Variants in SLC38A1 observed in about 807,000 individuals in gnomAD.
SLC38A1 encodes the protein sodium-coupled neutral amino acid symporter 1.
In SLC38A1, 18 loss-of-function variants were observed where a neutral mutation model predicts 60.3. The observed-to-expected ratio is 0.30, with a 90% CI of 0.21 to 0.44. SLC38A1 has a LOEUF of 0.44. Among genes scored for constraint, SLC38A1 ranks in the 20% least tolerant of loss-of-function variants. SLC38A1 has a pLI of 1.00. For missense variants in SLC38A1, 448 were observed against 587.2 expected (o/e 0.76, Z 2.45); for synonymous variants, 196 against 212.1 (o/e 0.92, Z 0.66).
chr12:46,253,660 G>A (rs1395062884), intron 1 of SLC38A1, among the ~76,000 whole-genome samples: 8 of 152,146 alleles, frequency 5.3e-5, no homozygotes, highest in Admixed American at 5.2e-4. Context: ...GACTTAGAAT[G>A]CTTTAACCAT....
chr12:46,210,132 T>TC (rs993200075), intron 5 of SLC38A1, among the ~76,000 whole-genome samples: 2 of 152,152 alleles, frequency 1.3e-5, no homozygotes, highest in Non-Finnish European at 2.9e-5. Context: ...TCCTGGCCCT[T>TC]CCCCCTCCCA....
At chr12:46,190,298 A>G (rs1432685683) in intron 16 of SLC38A1, among the ~76,000 whole-genome samples, 1 of 152,182 alleles carries the variant, frequency 6.6e-6, no homozygotes, top group Non-Finnish European at 1.5e-5. Context: ...ATACGATTCC[A>G]TGGTGTACAT....
chr12:46,261,204 C>G (rs1942186189), intron 1 of SLC38A1, among the ~76,000 whole-genome samples: 1 of 152,200 alleles, frequency 6.6e-6, no homozygotes, highest in Non-Finnish European at 1.5e-5. Flanking sequence ...CAAGCCAACT[C>G]TTCTGTGATG....
In SLC38A1 at chr12:46,197,934, T is replaced by C; in HGVS notation, c.1249A>G (p.Ile417Val). The C allele has an allele frequency of 6.2e-7, 1 of 1,614,090 alleles. No individual in the cohort carries two copies. Among genetic ancestry groups the C allele is most frequent in the Non-Finnish European group, 8.5e-7 (1 of 1,179,984 alleles). ...LVIFIPSMKD[I>V]FGVVGVTSAN... The stretch of plus-strand genomic sequence containing the variant: ...GAAGCCATACCTACGACTCCAAAAA[T>C]ATCCTTCATGGAGGGTATGAAGATC... The change falls in exon 15 of 17, where the codon ATT becomes GTT. Residue 417 changes from isoleucine to valine, a missense_variant. Around this residue, in one of 2 missense-constraint regions of SLC38A1, gnomAD observed 346 missense variants for 497.5 expected, o/e 0.70. Transcript: ENST00000398637.
At chr12:46,229,692 A>G in intron 3 of SLC38A1, 53 bp from the exon 4 acceptor site, 1 of 1,435,480 alleles carries the variant, frequency 7.0e-7, no homozygotes. Flanking sequence ...TTGAAGCTTG[A>G]CATCTTTACT....
At chr12:46,207,130 C>A (rs767141623) in intron 8 of SLC38A1, 25 bp downstream of exon 8, 3 of 1,469,000 alleles carry the variant, frequency 2.0e-6, no homozygotes, top group East Asian at 2.3e-5. Flanking sequence ...TTAGTTATAT[C>A]ATAAAAAAAT....
intron 4 of SLC38A1, 39 bp from the exon 5 acceptor site, chr12:46,229,307 TC>T (rs1565777637): frequency 1.4e-6 from 2 of 1,397,600 alleles, no homozygotes; most frequent in Non-Finnish European, 1.0e-6. Flanking sequence ...AGCAAAATAA[TC>T]CCCAAGAAAG....
rs142423911 is a variant in SLC38A1, at chr12:46,210,390, C to CA, written c.315-1264dup. On this transcript the variant is annotated intron_variant, in intron 5 of 16. Transcript: ENST00000398637. ...CAGAGCTCAGCAGAGGCAAAACAAA[C>CA]ACTAGGAGAAAGAACAGACCTAACA... Among the ~76,000 whole-genome samples the CA allele has an allele frequency of 7.2e-3, 1,104 of 152,306 alleles. 15 individuals carry two copies. Among genetic ancestry groups the CA allele is most frequent in the African/African-American group, 0.025 (1,033 of 41,556 alleles).
At chr12:46,191,243 A>G (rs1939132786) in intron 16 of SLC38A1, among the ~76,000 whole-genome samples, 2 of 152,184 alleles carry the variant, frequency 1.3e-5, no homozygotes, top group South Asian at 2.1e-4. Flanking sequence ...AGATGGTTGT[A>G]GATGTGTGGT....
intron 5 of SLC38A1, among the ~76,000 whole-genome samples, chr12:46,225,620 C>G (rs183654790): frequency 1.3e-5 from 2 of 152,224 alleles, no homozygotes; most frequent in East Asian, 1.9e-4. Flanking sequence ...GACAAATGAC[C>G]CTGGTGGTTC....
At chr12:46,192,648 G>C (rs1345006671) in intron 16 of SLC38A1, among the ~76,000 whole-genome samples, 1 of 151,994 alleles carries the variant, frequency 6.6e-6, no homozygotes, top group Non-Finnish European at 1.5e-5. Flanking sequence ...GCTTCTTCCT[G>C]GTTTAGTCTT....
chr12:46,255,324 C>G (rs1397696167), intron 1 of SLC38A1, among the ~76,000 whole-genome samples: 1 of 152,194 alleles, frequency 6.6e-6, no homozygotes, highest in East Asian at 1.9e-4. Context: ...TAATAACATA[C>G]AGATCATGAG....
chr12:46,204,287 A>G lies in SLC38A1; in HGVS notation c.822+14T>C, dbSNP rs757870068. 6.1e-6 allele frequency: 9 copies of G among 1,485,946 alleles called. No individual in the cohort carries two copies. Among genetic ancestry groups the G allele is most frequent in the Non-Finnish European group, 7.5e-6 (8 of 1,063,462 alleles). The allele number at this position is 1,485,946 out of a possible 1,614,324, so 92.0% of individuals were successfully genotyped here. On this transcript the variant is annotated intron_variant, in intron 11 of 16. Transcript: ENST00000398637. The stretch of plus-strand genomic sequence containing the variant: ...AAAATGCTTGTTTCATCTGCAAAGG[A>G]TCAGGAAACTTACCTTTGAATTGAA...
intron 5 of SLC38A1, among the ~76,000 whole-genome samples, chr12:46,217,319 A>G (rs1054936391): frequency 1.3e-5 from 2 of 152,238 alleles, no homozygotes; most frequent in African/African-American, 4.8e-5. Flanking sequence ...AAAGTCAAAC[A>G]TCCAGAGTGG....
intron 3 of SLC38A1, among the ~76,000 whole-genome samples, chr12:46,233,282 C>T (rs1263274389): frequency 6.6e-6 from 1 of 152,104 alleles, no homozygotes; most frequent in Non-Finnish European, 1.5e-5. Context: ...ACTCGCCTTC[C>T]CAAAGTACTG....
chr12:46,211,512 C>G (rs1307139158), intron 5 of SLC38A1, among the ~76,000 whole-genome samples: 2 of 152,240 alleles, frequency 1.3e-5, no homozygotes, highest in Non-Finnish European at 2.9e-5. Flanking sequence ...TTCCCTCAGT[C>G]AGTAGCCTCT....
At chr12:46,208,038 C>T (rs1939987153) in intron 6 of SLC38A1, among the ~76,000 whole-genome samples, 2 of 152,188 alleles carry the variant, frequency 1.3e-5, no homozygotes, top group African/African-American at 4.8e-5. Context: ...ATGACCTGAA[C>T]TGATTAGGCA....
rs143810110 is a variant in SLC38A1 at position 46,262,377 on chromosome 12, T to TA, written c.-209+6148dup. 1.6e-3 allele frequency among the ~76,000 whole-genome samples: 239 copies of TA among 148,696 alleles called. 1 individual carries two copies. Among genetic ancestry groups the TA allele is most frequent in the African/African-American group, 5.2e-3 (211 of 40,600 alleles). ...AGGAGGACAGACTGTATATTACATT[T>TA]AAAAAAAAAACACCAAAAGAATTGA... On this transcript the variant is annotated intron_variant, in intron 1 of 16. Transcript: ENST00000398637.
At chr12:46,204,251 T>C in intron 11 of SLC38A1, 50 bp downstream of exon 11, 1 of 1,106,830 alleles carries the variant, frequency 9.0e-7, no homozygotes, top group Non-Finnish European at 1.4e-6. Context: ...AGAAATAGAA[T>C]GTCCTTAATA....
Sources: allele counts gnomAD v4.1 joint callset (sites outside exome capture counted in the v4.1 genomes callset), GRCh38; gene constraint gnomAD v4.1.1; regional missense constraint gnomAD v4.1.1; transcripts MANE v1.5; gene names NCBI Gene and HGNC (gene_info 2026-07-23, HGNC 2026-07-21).